The following GRID1 variants were observed in gnomAD, a reference collection of about 807,000 sequenced individuals.
GRID1 encodes glutamate ionotropic receptor delta type subunit 1, also known as glutamate receptor ionotropic, delta-1.
In GRID1, 28 loss-of-function variants were observed where a neutral mutation model predicts 98.0. The observed-to-expected ratio is 0.29, with a 90% CI of 0.21 to 0.39. The LOEUF (loss-of-function observed/expected upper bound fraction) is 0.39. GRID1 is among the 10% of genes least tolerant of loss of function. The pLI is 1.00. For synonymous variants in GRID1, 553 were observed against 538.5 expected, an observed-to-expected ratio of 1.03 and a Z score of -0.37; for missense variants, 1,111 against 1,340.5, an observed-to-expected ratio of 0.83 and a Z score of 2.67.
At chr10:85,965,091 C>T (rs955383762) in intron 4 of GRID1, among the ~76,000 whole-genome samples, 1 of 152,170 alleles carries the variant, frequency 6.6e-6, no homozygotes, top group African/African-American at 2.4e-5. Context: ...AAAGAGACAC[C>T]ATCTCATGCC....
intron 2 of GRID1, among the ~76,000 whole-genome samples, chr10:86,251,729 G>C (rs905378156): frequency 1.3e-5 from 2 of 152,198 alleles, no homozygotes; most frequent in African/African-American, 4.8e-5. Flanking sequence ...GCATCAGCCA[G>C]ATTGAAACAG....
At chr10:86,126,986 C>T (rs1844763191) in intron 4 of GRID1, among the ~76,000 whole-genome samples, 1 of 152,262 alleles carries the variant, frequency 6.6e-6, no homozygotes, top group South Asian at 2.1e-4. Context: ...TTTAGCCATT[C>T]TTCTCTGACC....
chr10:86,333,579 T>A (rs1378117634), intron 2 of GRID1, among the ~76,000 whole-genome samples: 3 of 152,204 alleles, frequency 2.0e-5, no homozygotes, highest in Admixed American at 2.0e-4. Flanking sequence ...CAGTCAAAAA[T>A]TTGAGTACAA....
At chr10:86,340,155 G>C (rs919598401) in intron 2 of GRID1, among the ~76,000 whole-genome samples, 4 of 152,164 alleles carry the variant, frequency 2.6e-5, no homozygotes, top group African/African-American at 9.7e-5. Context: ...CCAAGCAGCG[G>C]AATGGAAAGC....
chr10:86,310,057 C>T (rs765321610), intron 2 of GRID1, among the ~76,000 whole-genome samples: 2 of 152,236 alleles, frequency 1.3e-5, no homozygotes, highest in Non-Finnish European at 2.9e-5. Context: ...GCTCCACCAC[C>T]TGCACTGCTT....
chr10:85,746,771 C>A (rs566695475), intron 8 of GRID1, among the ~76,000 whole-genome samples: 1 of 152,044 alleles, frequency 6.6e-6, no homozygotes, highest in Admixed American at 6.6e-5. Flanking sequence ...GTCACCCATC[C>A]AATCCTGCAG....
intron 4 of GRID1, among the ~76,000 whole-genome samples, chr10:85,920,900 G>A (rs186817344): frequency 2.0e-5 from 3 of 152,290 alleles, no homozygotes; most frequent in East Asian, 3.9e-4. Context: ...TGGGAGCTGG[G>A]AACTAGGGCC....
intron 8 of GRID1, among the ~76,000 whole-genome samples, chr10:85,782,342 G>A (rs1842389091): frequency 6.6e-6 from 1 of 152,150 alleles, no homozygotes; most frequent in Non-Finnish European, 1.5e-5. Context: ...ATCTCTGTAG[G>A]ACGGGCAGTA....
chr10:85,941,480 A>G (rs1841996885), intron 4 of GRID1, among the ~76,000 whole-genome samples: 1 of 152,242 alleles, frequency 6.6e-6, no homozygotes. Flanking sequence ...AACGATGGTT[A>G]TATCTACATG....
intron 4 of GRID1, among the ~76,000 whole-genome samples, chr10:85,930,944 A>C (rs1048878260): frequency 1.3e-5 from 2 of 152,024 alleles, no homozygotes; most frequent in Non-Finnish European, 2.9e-5. Context: ...GGGATCAAGC[A>C]ATCTCTCACC....
chr10:85,614,315 C>A (rs1842765359), intron 14 of GRID1, among the ~76,000 whole-genome samples: 1 of 152,210 alleles, frequency 6.6e-6, no homozygotes, highest in South Asian at 2.1e-4. Flanking sequence ...ACTAGAGAAA[C>A]CCTCACTAAG....
chr10:86,158,986 C>T (rs974033792), intron 3 of GRID1, among the ~76,000 whole-genome samples: 4 of 152,090 alleles, frequency 2.6e-5, no homozygotes, highest in Non-Finnish European at 4.4e-5. Context: ...TTCCGCCTCC[C>T]GGGTTCACGC....
chr10:86,193,482 C>A (rs1378357793), intron 3 of GRID1, among the ~76,000 whole-genome samples: 2 of 152,068 alleles, frequency 1.3e-5, no homozygotes. Flanking sequence ...TAGGGAGAAC[C>A]TCTATCTCAT....
intron 8 of GRID1, among the ~76,000 whole-genome samples, chr10:85,767,661 T>C (rs942372745): frequency 3.3e-5 from 5 of 152,156 alleles, no homozygotes; most frequent in East Asian, 1.9e-4. Flanking sequence ...GGGAAAGCGG[T>C]GGGCATTTCT....
intron 4 of GRID1, among the ~76,000 whole-genome samples, chr10:86,096,007 A>T (rs2131941554): frequency 6.6e-6 from 1 of 152,332 alleles, no homozygotes; most frequent in East Asian, 1.9e-4. Flanking sequence ...TGTAGTATAT[A>T]TATGCAGCCA....
At chr10:85,814,436 G>T (rs1470947197) in intron 8 of GRID1, among the ~76,000 whole-genome samples, 2 of 151,590 alleles carry the variant, frequency 1.3e-5, no homozygotes, top group East Asian at 3.9e-4. Context: ...AAATAATAAA[G>T]GTAAAAGCAG....
At chr10:86,305,464 T>A (rs1847746755) in intron 2 of GRID1, among the ~76,000 whole-genome samples, 1 of 152,252 alleles carries the variant, frequency 6.6e-6, no homozygotes, top group African/African-American at 2.4e-5. Flanking sequence ...GAGTTGTTAC[T>A]GCATAACCAT....
chr10:85,867,769 G>A (rs1843236278), intron 6 of GRID1, among the ~76,000 whole-genome samples: 2 of 152,222 alleles, frequency 1.3e-5, no homozygotes, highest in South Asian at 4.1e-4. Context: ...AGACACTCTG[G>A]TGGGCTCCCT....
chr10:85,729,695 C>G (rs1294024780), intron 8 of GRID1, 81 bp from the exon 9 acceptor site: 1 of 821,706 alleles, frequency 1.2e-6, no homozygotes, highest in Non-Finnish European at 2.0e-6. Flanking sequence ...ACACTGGGAT[C>G]CTGAATTAGG....
Sources: gnomAD v4.1 joint callset for allele counts (sites outside exome capture counted in the v4.1 genomes callset) on GRCh38, gnomAD v4.1.1 for gene constraint, MANE v1.5 for transcripts, NCBI Gene and HGNC (gene_info 2026-07-23, HGNC 2026-07-21) for gene names.